The following RP1 variants were observed in gnomAD, a reference collection of about 807,000 sequenced individuals.
RP1 encodes oxygen-regulated protein 1.
In RP1, 16 loss-of-function variants were observed where a neutral mutation model predicts 14.8. The ratio of observed to expected loss-of-function variants is 1.08; its 90% CI spans 0.73 to 1.65. RP1 has a LOEUF of 1.65. Ranked by LOEUF, RP1 falls within the 40% of genes most tolerant of loss-of-function variation. The pLI is 0.00. For synonymous variants in RP1, 876 were observed against 883.6 expected, an observed-to-expected ratio of 0.99 and a Z score of 0.15; for missense variants, 2,631 against 2,535.0, an observed-to-expected ratio of 1.04 and a Z score of -0.81.
At chr8:54,766,491 G>A (rs779247573) in intron 22 of RP1, among the ~76,000 whole-genome samples, 24 of 152,268 alleles carry the variant, frequency 1.6e-4, no homozygotes, top group Middle Eastern at 6.8e-3. Context: ...GTGACAAGTA[G>A]TGATGGTGGG....
intron 1 of RP1, among the ~76,000 whole-genome samples, chr8:54,564,905 C>T (rs1804367475): frequency 6.6e-6 from 1 of 152,152 alleles, no homozygotes; most frequent in Admixed American, 6.5e-5. Flanking sequence ...CCCACTGTGC[C>T]CAACTAATTT....
At chr8:54,836,328 CT>C (rs1230967003) in intron 24 of RP1, among the ~76,000 whole-genome samples, 1 of 152,040 alleles carries the variant, frequency 6.6e-6, no homozygotes, top group Non-Finnish European at 1.5e-5. Flanking sequence ...ATTTTTGGCC[CT>C]GGTGTTAATC....
intron 14 of RP1, among the ~76,000 whole-genome samples, chr8:54,702,367 A>C (rs1808045160): frequency 6.6e-6 from 1 of 152,186 alleles, no homozygotes; most frequent in Non-Finnish European, 1.5e-5. Flanking sequence ...TTTCTCAATA[A>C]AGCTAGTCAC....
chr8:54,777,953 G>T (rs527683789), intron 23 of RP1, among the ~76,000 whole-genome samples: 97 of 152,196 alleles, frequency 6.4e-4, no homozygotes, highest in Non-Finnish European at 1.1e-3. Flanking sequence ...ACTTGTTTTT[G>T]TTAATTGATA....
chr8:54,727,551 A>T (rs192632633), intron 17 of RP1, among the ~76,000 whole-genome samples: 1 of 152,226 alleles, frequency 6.6e-6, no homozygotes, highest in East Asian at 1.9e-4. Flanking sequence ...TGGCAAAAAT[A>T]TTTTTTAAAT....
chr8:54,729,963 T>A (rs1171014281), intron 17 of RP1, among the ~76,000 whole-genome samples: 2 of 151,980 alleles, frequency 1.3e-5, no homozygotes, highest in African/African-American at 4.8e-5. Flanking sequence ...GCATCCAGAG[T>A]GAACTATAGT....
Position 54,621,151 on chromosome 8 carries a change from C to A in RP1, c.185C>A (p.Ser62Tyr). ...RVVVNPRSFK[S>Y]FDALLDNLSR... is the part of the protein sequence containing the mutation. ...GTGGTCAACCCTCGCTCCTTTAAGT[C>A]CTTTGATGCTCTGCTGGATAACTTG... The change falls in exon 2 of 4, where the codon TCC becomes TAC. Residue 62 changes from serine to tyrosine, a missense_variant. By Grantham distance (144) the Ser-to-Tyr change is moderately radical. Transcript: ENST00000220676. The A allele has an allele frequency of 6.2e-7, 1 of 1,614,148 alleles. No individual in the cohort carries two copies. Among genetic ancestry groups the A allele is most frequent in the Non-Finnish European group, 8.5e-7 (1 of 1,180,040 alleles).
chr8:54,744,875 A>G (rs1235074610), intron 19 of RP1, among the ~76,000 whole-genome samples: 1 of 152,126 alleles, frequency 6.6e-6, no homozygotes, highest in Non-Finnish European at 1.5e-5. Flanking sequence ...TTAACTTTAT[A>G]TTTTAGGACA....
intron 7 of RP1, among the ~76,000 whole-genome samples, chr8:54,665,853 C>T (rs1219718829): frequency 4.6e-5 from 7 of 152,114 alleles, no homozygotes; most frequent in Non-Finnish European, 8.8e-5. Flanking sequence ...CCATGGAAAT[C>T]GTTGGGAAAC....
At chr8:54,792,630 A>C (rs1477035911) in intron 24 of RP1, among the ~76,000 whole-genome samples, 1 of 151,934 alleles carries the variant, frequency 6.6e-6, no homozygotes, top group African/African-American at 2.4e-5. Context: ...TAAATCAAAA[A>C]ATAACTTGAG....
intron 8 of RP1, chr8:54,678,403 A>T: frequency 7.3e-7 from 1 of 1,374,048 alleles, no homozygotes; most frequent in Non-Finnish European, 9.9e-7. Flanking sequence ...TCAAAACTTG[A>T]AGTATTATTA....
intron 1 of RP1, among the ~76,000 whole-genome samples, chr8:54,598,720 A>T (rs965644531): frequency 6.6e-6 from 1 of 152,130 alleles, no homozygotes; most frequent in Non-Finnish European, 1.5e-5. Flanking sequence ...TTCCTCAAGG[A>T]TATTTTTGCC....
intron 25 of RP1, among the ~76,000 whole-genome samples, chr8:54,839,891 G>C (rs1052218053): frequency 6.6e-6 from 1 of 152,126 alleles, no homozygotes; most frequent in East Asian, 1.9e-4. Flanking sequence ...TTGACAGTTT[G>C]CAAAAACATT....
chr8:54,809,348 G>T (rs1299607200), intron 24 of RP1, among the ~76,000 whole-genome samples: 1 of 152,156 alleles, frequency 6.6e-6, no homozygotes. Context: ...TGGGAGTTAT[G>T]TATATGCTTC....
intron 24 of RP1, among the ~76,000 whole-genome samples, chr8:54,819,956 C>A (rs1317853731): frequency 1.3e-5 from 2 of 152,122 alleles, no homozygotes; most frequent in African/African-American, 4.8e-5. Context: ...GCGGTGACTA[C>A]TGCCCGAGTA....
At chr8:54,734,024 C>T (rs939162650) in intron 17 of RP1, among the ~76,000 whole-genome samples, 7 of 152,184 alleles carry the variant, frequency 4.6e-5, no homozygotes, top group Non-Finnish European at 1.0e-4. Context: ...TGAAAATTCT[C>T]TCTTTAGTTC....
At chr8:54,636,972 G>T (rs1806360425) in intron 3 of RP1, among the ~76,000 whole-genome samples, 2 of 152,180 alleles carry the variant, frequency 1.3e-5, no homozygotes, top group Non-Finnish European at 2.9e-5. Flanking sequence ...TTATGCCTTT[G>T]CTTACTTTCT....
chr8:54,622,044 C>T, intron 2 of RP1, 73 bp from the exon 3 acceptor site: 1 of 1,495,858 alleles, frequency 6.7e-7, no homozygotes, highest in Non-Finnish European at 9.3e-7. Flanking sequence ...TGATTTGATT[C>T]AAGCAAAGTT....
At position 54,627,507 on chromosome 8, in the gene RP1, T is replaced by C. The variant is rs1806099628; in HGVS notation, c.3625T>C (p.Ser1209Pro). The C allele has an allele frequency of 6.2e-7, 1 of 1,614,166 alleles. No individual in the cohort carries two copies. The highest frequency in any genetic ancestry group is 8.5e-7 in the Non-Finnish European group (1 of 1,179,988). ...ACAAGACATGGTTCCAATAGATCTT[T>C]CTGCAAATTGTTCCACGGTCAACAT... ...KEQDMVPIDL[S>P]ANCSTVNIQS... is the part of the protein sequence containing the mutation. Residue 1209 changes from serine to proline, a missense_variant, in exon 4 of 4, where the codon TCT (serine) becomes CCT (proline). Coordinates refer to ENST00000220676, the MANE Select transcript of RP1 (RefSeq NM_006269.2).
Sources: gnomAD v4.1 joint callset for allele counts (sites outside exome capture counted in the v4.1 genomes callset) on GRCh38, gnomAD v4.1.1 for gene constraint, MANE v1.5 for transcripts, NCBI Gene and HGNC (gene_info 2026-07-23, HGNC 2026-07-21) for gene names.